Variants in ALS2 observed in about 807,000 individuals in gnomAD.
The protein encoded by ALS2 is alsin.
In ALS2, 117 loss-of-function variants were observed where a neutral mutation model predicts 203.4. That is an observed-to-expected ratio of 0.58 (90% CI 0.50 to 0.67). The LOEUF (loss-of-function observed/expected upper bound fraction) is 0.67, where lower values mean the gene tolerates loss of function less well. Among genes scored for constraint, ALS2 ranks in the 30% least tolerant of loss-of-function variants. The probability of loss-of-function intolerance (pLI) is 0.00; values close to 1 mark genes in which losing one functional copy is unlikely to be tolerated. For synonymous variants in ALS2, 718 were observed against 725.9 expected, an observed-to-expected ratio of 0.99 and a Z score of 0.17; for missense variants, 1,715 against 1,989.4, an observed-to-expected ratio of 0.86 and a Z score of 2.62.
intron 11 of ALS2, chr2:201,741,208 A>G (rs1692246575): frequency 6.5e-6 from 1 of 153,588 alleles, no homozygotes; most frequent in Non-Finnish European, 1.5e-5. Context: ...TTTATTAAGG[A>G]AAAACATCTT....
chr2:201,757,239 G>C (rs191729247), intron 5 of ALS2, among the ~76,000 whole-genome samples, 163 bp downstream of exon 5: 2 of 152,136 alleles, frequency 1.3e-5, no homozygotes, highest in African/African-American at 4.8e-5. Flanking sequence ...ATCTAAAGCA[G>C]ATAAACATGT....
intron 4 of ALS2, chr2:201,760,484 C>A (rs1468477015): frequency 2.0e-6 from 2 of 1,001,384 alleles, no homozygotes; most frequent in Middle Eastern, 5.0e-4. Flanking sequence ...AAGGAAAAGA[C>A]TTTTCTCTAC....
chr2:201,758,195 T>A (rs1163881230), intron 4 of ALS2, among the ~76,000 whole-genome samples: 1 of 151,772 alleles, frequency 6.6e-6, no homozygotes, highest in Admixed American at 6.6e-5. Flanking sequence ...GACTACTACC[T>A]AGAAGTGGCA....
chr2:201,753,716 C>G (rs1264719648), intron 6 of ALS2, among the ~76,000 whole-genome samples: 1 of 152,040 alleles, frequency 6.6e-6, no homozygotes, highest in African/African-American at 2.4e-5. Context: ...CCAGTTTTAC[C>G]CTAATATATG....
chr2:201,733,549 G>A, intron 12 of ALS2, 111 bp from the exon 13 acceptor site: 1 of 931,752 alleles, frequency 1.1e-6, no homozygotes, highest in South Asian at 1.5e-5. Flanking sequence ...CATTTTTTAG[G>A]TGCTGTGAAA....
intron 23 of ALS2, chr2:201,722,592 T>C (rs73053692): frequency 0.012 from 1,950 of 158,888 alleles, 41 homozygotes; most frequent in African/African-American, 0.044. Context: ...CCAATGTCCA[T>C]CAACTGGTAA....
intron 31 of ALS2, 108 bp from the exon 32 acceptor site, chr2:201,704,711 G>A (rs1044904282): frequency 1.2e-5 from 15 of 1,244,386 alleles, no homozygotes; most frequent in African/African-American, 4.5e-5. Context: ...GCCTTAACCC[G>A]GACACTTAGG....
intron 14 of ALS2, 94 bp from the exon 15 acceptor site, chr2:201,728,734 G>C (rs933454316): frequency 4.1e-6 from 6 of 1,456,672 alleles, no homozygotes; most frequent in Non-Finnish European, 5.7e-6. Flanking sequence ...ACATTTAAGG[G>C]AATTTGCTGG....
At chr2:201,752,085 T>C (rs1261434526) in intron 7 of ALS2, among the ~76,000 whole-genome samples, 1 of 152,194 alleles carries the variant, frequency 6.6e-6, no homozygotes, top group African/African-American at 2.4e-5. Context: ...TTTGGGATTA[T>C]TTTATCAAAT....
Position 201,711,017 on chromosome 2 carries a change from C to A in ALS2, c.4096G>T (p.Asp1366Tyr), listed in dbSNP as rs748220755. ...HVGAFSVEKYDDIRKYLIKAC... is the reference protein window; with the variant it reads ...HVGAFSVEKYYDIRKYLIKAC... ...TTTATTAAATATTTCCTGATGTCAT[C>A]ATATTTCTCCACAGAGAAGGCACCA... The change falls in exon 26 of 34, where the codon GAT (aspartate) becomes TAT (tyrosine). Residue 1366 changes from aspartate to tyrosine, a missense_variant. Physicochemically the swap from Asp to Tyr is radical, Grantham distance 160 (BLOSUM62 -3). Around this residue, in one of 3 missense-constraint regions of ALS2, gnomAD observed 1,227 missense variants for 1,413.5 expected, o/e 0.87. Coordinates refer to ENST00000264276, the MANE Select transcript of ALS2 (RefSeq NM_020919.4). 14 of 1,608,474 alleles carry A rather than the reference C, an allele frequency of 8.7e-6. No individual in the cohort carries two copies. The highest frequency in any genetic ancestry group is 4.0e-5 in the African/African-American group (3 of 74,758).
chr2:201,728,938 G>C, intron 14 of ALS2, 114 bp downstream of exon 14: 1 of 1,503,188 alleles, frequency 6.7e-7, no homozygotes, highest in Non-Finnish European at 9.3e-7. Flanking sequence ...TTTAGGAAAG[G>C]GGTCATTAAA....
intron 33 of ALS2, among the ~76,000 whole-genome samples, chr2:201,703,179 C>G (rs576003585): frequency 3.9e-5 from 6 of 152,224 alleles, no homozygotes; most frequent in African/African-American, 1.2e-4. Flanking sequence ...AGGCCAGAAA[C>G]CTGACATTGA....
At chr2:201,705,058 A>G in intron 31 of ALS2, 81 bp downstream of exon 31, 1 of 1,378,178 alleles carries the variant, frequency 7.3e-7, no homozygotes, top group Non-Finnish European at 1.0e-6. Flanking sequence ...GGCTTAGGTA[A>G]AGATAAGATC....
Position 201,767,295 on chromosome 2 carries a change from C to T in ALS2, c.109G>A (p.Gly37Ser). 1 of 1,614,130 alleles carries T rather than the reference C, an allele frequency of 6.2e-7. No individual in the cohort carries two copies. Among genetic ancestry groups the T allele is most frequent in the Non-Finnish European group, 8.5e-7 (1 of 1,180,024 alleles). The change falls in exon 3 of 34, where the codon GGC (glycine) becomes AGC (serine). Residue 37 changes from glycine (G) to serine (S), a missense_variant. Gly to Ser is a moderately conservative substitution (Grantham distance 56). Around this residue, in one of 3 missense-constraint regions of ALS2, gnomAD observed 476 missense variants for 539.3 expected, o/e 0.88. Transcript: ENST00000264276. Reference sequence around the variant, plus strand: ...TGCAAAACAGTCTTTCCTCCCCAGCCTGGCAATCTCTCTGGTGTTATGGGA... The same window carrying T: ...TGCAAAACAGTCTTTCCTCCCCAGCTTGGCAATCTCTCTGGTGTTATGGGA... ...SFPITPERLP[G>S]WGGKTVLQAA...
intron 10 of ALS2, among the ~76,000 whole-genome samples, chr2:201,743,351 T>C (rs1559066509): frequency 1.3e-5 from 2 of 152,210 alleles, no homozygotes; most frequent in South Asian, 2.1e-4. Context: ...GTACCCAGTA[T>C]ATCTGGACAG....
intron 4 of ALS2, chr2:201,760,400 C>T (rs981033265): frequency 1.0e-6 from 1 of 987,122 alleles, no homozygotes; most frequent in Non-Finnish European, 1.2e-6. Context: ...AAAACTGAAA[C>T]ATGTAATTGC....
intron 1 of ALS2, among the ~76,000 whole-genome samples, chr2:201,773,517 G>C (rs922335348): frequency 1.3e-5 from 2 of 152,146 alleles, no homozygotes; most frequent in African/African-American, 4.8e-5. Context: ...GCAAGAGTGA[G>C]GGAGATACGA....
chr2:201,737,637 T>C (rs997121570), intron 12 of ALS2, among the ~76,000 whole-genome samples: 2 of 152,098 alleles, frequency 1.3e-5, no homozygotes, highest in Non-Finnish European at 2.9e-5. Context: ...AAAGCAAACA[T>C]GGGGCTGGGC....
rs541049516 is a variant in ALS2 at position 201,777,598 on chromosome 2, G to A, written c.-61+3279C>T. On this transcript the variant is annotated intron_variant, in intron 1 of 33. Coordinates refer to ENST00000264276, the MANE Select transcript of ALS2 (RefSeq NM_020919.4). Reference sequence around the variant, plus strand: ...CACATATTAACATATTTTCATATTGGCTTCAGCTCTTTTTTAAAACACAAG... The same window carrying A: ...CACATATTAACATATTTTCATATTGACTTCAGCTCTTTTTTAAAACACAAG... Among the ~76,000 whole-genome samples the A allele has an allele frequency of 3.9e-5, 6 of 152,092 alleles. No homozygotes were observed. The South Asian group carries it at 6.2e-4, about 16-fold the overall frequency.
Sources: gnomAD v4.1 joint callset for allele counts (sites outside exome capture counted in the v4.1 genomes callset) on GRCh38, gnomAD v4.1.1 for gene constraint, gnomAD v4.1.1 regional missense constraint, MANE v1.5 for transcripts, NCBI Gene and HGNC (gene_info 2026-07-23, HGNC 2026-07-21) for gene names.